Variants in VOPP1 observed in about 807,000 individuals in gnomAD.
VOPP1 encodes the protein VOPP1 WW domain binding protein, also known as WW domain binding protein VOPP1.
Under a neutral mutation model 23.5 loss-of-function variants are expected in VOPP1, and 8 were observed. That is an observed-to-expected ratio of 0.34 (90% CI 0.20 to 0.61). The LOEUF is 0.61. VOPP1 is among the 20% of genes least tolerant of loss of function. VOPP1 has a pLI of 0.78. For synonymous variants in VOPP1, 83 were observed against 97.3 expected, an observed-to-expected ratio of 0.85 and a Z score of 0.86; for missense variants, 174 against 238.1, an observed-to-expected ratio of 0.73 and a Z score of 1.77.
chr7:55,506,007 C>A (rs1794698656), intron 2 of VOPP1, among the ~76,000 whole-genome samples: 1 of 152,272 alleles, frequency 6.6e-6, no homozygotes, highest in East Asian at 1.9e-4. Flanking sequence ...CTTAGACAGG[C>A]AAACCCAAAT....
At chr7:55,462,660 T>TAAC (rs1478636455) in intron 4 of VOPP1, among the ~76,000 whole-genome samples, 8 of 148,218 alleles carry the variant, frequency 5.4e-5, no homozygotes, top group Admixed American at 2.7e-4. Context: ...ATTATATTTT[T>TAAC]TTTTTTTTTT....
chr7:55,492,513 C>A, intron 3 of VOPP1, 95 bp from the exon 4 acceptor site: 1 of 1,398,692 alleles, frequency 7.1e-7, no homozygotes, highest in South Asian at 1.6e-5. Flanking sequence ...CCTCGGGGGT[C>A]CGGGACCAAT....
chr7:55,441,772 T>C (rs1790971586), intron 4 of VOPP1, among the ~76,000 whole-genome samples: 1 of 152,142 alleles, frequency 6.6e-6, no homozygotes, highest in Non-Finnish European at 1.5e-5. Context: ...CTTCCTTGGT[T>C]CTTCTGGGAA....
chr7:55,495,890 G>A (rs1005194414), intron 3 of VOPP1, among the ~76,000 whole-genome samples: 2 of 152,212 alleles, frequency 1.3e-5, no homozygotes, highest in Non-Finnish European at 2.9e-5. Flanking sequence ...CTGGCATCTG[G>A]CACTCAGATC....
At chr7:55,539,883 G>T (rs1454006447) in intron 1 of VOPP1, among the ~76,000 whole-genome samples, 1 of 144,980 alleles carries the variant, frequency 6.9e-6, no homozygotes, top group African/African-American at 2.6e-5. Flanking sequence ...ACAAACGGGC[G>T]CATAACATAA....
intron 1 of VOPP1, among the ~76,000 whole-genome samples, chr7:55,554,802 T>G (rs144661205): frequency 6.6e-6 from 1 of 152,164 alleles, no homozygotes; most frequent in African/African-American, 2.4e-5. Context: ...ACCAGAAATA[T>G]AGATTTTGGA....
At chr7:55,567,292 A>C (rs899271186) in intron 1 of VOPP1, among the ~76,000 whole-genome samples, 4 of 152,256 alleles carry the variant, frequency 2.6e-5, no homozygotes, top group African/African-American at 9.6e-5. Flanking sequence ...AATTGCTTAC[A>C]TGGTAGAAAG....
At chr7:55,553,624 A>C (rs1355538773) in intron 1 of VOPP1, among the ~76,000 whole-genome samples, 1 of 151,670 alleles carries the variant, frequency 6.6e-6, no homozygotes, top group Non-Finnish European at 1.5e-5. Flanking sequence ...CCCTGACCTC[A>C]ATCCCTGCAA....
intron 4 of VOPP1, among the ~76,000 whole-genome samples, chr7:55,476,803 G>A (rs1792292686): frequency 1.3e-5 from 2 of 152,148 alleles, no homozygotes; most frequent in Admixed American, 1.3e-4. Flanking sequence ...CCCAAGCTGT[G>A]GCAGGCTTGG....
At chr7:55,467,801 T>C (rs1791669882), downstream of VOPP1, among the ~76,000 whole-genome samples, 1 of 152,220 alleles carries the variant, frequency 6.6e-6, no homozygotes, top group South Asian at 2.1e-4. Flanking sequence ...TACTTTCCGT[T>C]CACATGACGA....
chr7:55,445,792 G>A (rs970825717), intron 4 of VOPP1, among the ~76,000 whole-genome samples: 7 of 152,104 alleles, frequency 4.6e-5, no homozygotes, highest in African/African-American at 7.2e-5. Flanking sequence ...CCACATATGG[G>A]TATTTATTAA....
intron 2 of VOPP1, among the ~76,000 whole-genome samples, chr7:55,507,543 C>A (rs1317685142): frequency 6.6e-6 from 1 of 152,190 alleles, no homozygotes; most frequent in Non-Finnish European, 1.5e-5. Context: ...AATCTGATTA[C>A]TTGTAATATT....
chr7:55,449,143 T>C (rs1226419592), intron 4 of VOPP1, among the ~76,000 whole-genome samples: 1 of 152,184 alleles, frequency 6.6e-6, no homozygotes, highest in African/African-American at 2.4e-5. Flanking sequence ...ATGGGTTTGG[T>C]TTCGAATAAA....
At chr7:55,496,361 C>T (rs60075456) in intron 3 of VOPP1, among the ~76,000 whole-genome samples, 33,321 of 152,242 alleles carry the variant, frequency 0.22, 4,189 homozygotes, top group African/African-American at 0.34. Flanking sequence ...TGGGCCCTCC[C>T]CGTCTCTGGT....
chr7:55,478,686 C>T (rs1792457495), intron 4 of VOPP1, among the ~76,000 whole-genome samples: 1 of 152,184 alleles, frequency 6.6e-6, no homozygotes, highest in Non-Finnish European at 1.5e-5. Flanking sequence ...GTGCAGGAAG[C>T]ATGGAATAGA....
intron 1 of VOPP1, among the ~76,000 whole-genome samples, chr7:55,565,182 T>C (rs760807806): frequency 1.3e-5 from 2 of 152,314 alleles, no homozygotes; most frequent in Non-Finnish European, 1.5e-5. Flanking sequence ...AATTATCGAA[T>C]CCGATGGCCT....
intron 1 of VOPP1, among the ~76,000 whole-genome samples, chr7:55,566,490 AG>A (rs111750689): frequency 0.28 from 43,169 of 152,012 alleles, 6,360 homozygotes; most frequent in South Asian, 0.36. Context: ...TGAACCCAAA[AG>A]GAAGAGGTTG....
At position 55,551,848 on chromosome 7, in the gene VOPP1, G is replaced by C. The variant is rs577532967; in HGVS notation, c.54+20423C>G. On this transcript the variant is annotated intron_variant, in intron 1 of 4. Transcript: ENST00000285279. The stretch of plus-strand genomic sequence containing the variant: ...TGAGATCAGCAGTTTGAGACCAGCC[G>C]GGCCAACATGGTGAATCCCCGTCTC... Among the ~76,000 whole-genome samples the C allele has an allele frequency of 2.6e-5, 4 of 152,010 alleles. No individual in the cohort carries two copies. The East Asian group carries it at 7.7e-4, about 29-fold the overall frequency.
intron 2 of VOPP1, among the ~76,000 whole-genome samples, chr7:55,502,931 C>A (rs1794468154): frequency 6.6e-6 from 1 of 152,352 alleles, no homozygotes; most frequent in African/African-American, 2.4e-5. Context: ...AGAAACATTA[C>A]TCTTAACTAA....
Sources: allele counts gnomAD v4.1 joint callset (sites outside exome capture counted in the v4.1 genomes callset), GRCh38; gene constraint gnomAD v4.1.1; transcripts MANE v1.5; gene names NCBI Gene and HGNC (gene_info 2026-07-23, HGNC 2026-07-21).